Variants in MCPH1 observed in about 807,000 individuals in gnomAD.
MCPH1 encodes the protein microcephalin.
Under a neutral mutation model 84.5 loss-of-function variants are expected in MCPH1, and 104 were observed. The ratio of observed to expected loss-of-function variants is 1.23; its 90% CI spans 1.05 to 1.45. The LOEUF (loss-of-function observed/expected upper bound fraction) is 1.45. Among genes scored for constraint, MCPH1 ranks in the 40% most tolerant of loss-of-function variants. The pLI is 0.00. For synonymous variants in MCPH1, 514 were observed against 366.8 expected (o/e 1.40, Z -4.58); for missense variants, 1,498 against 1,005.7 (o/e 1.49, Z -6.62).
chr8:6,421,205 C>T (rs114388114), intron 3 of MCPH1, among the ~76,000 whole-genome samples: 4 of 152,148 alleles, frequency 2.6e-5, no homozygotes, highest in Non-Finnish European at 5.9e-5. Flanking sequence ...CTCTCCCTGG[C>T]GTCTGCATTC....
chr8:6,446,238 TC>T, intron 8 of MCPH1: 1 of 965,026 alleles, frequency 1.0e-6, no homozygotes, highest in Non-Finnish European at 1.2e-6. Flanking sequence ...ATTTTGCACT[TC>T]ACAGTTATAA....
At chr8:6,560,893 G>A (rs1057112286) in intron 12 of MCPH1, among the ~76,000 whole-genome samples, 20 of 152,170 alleles carry the variant, frequency 1.3e-4, no homozygotes, top group African/African-American at 4.1e-4. Flanking sequence ...CTTGCATTTG[G>A]CCTAGCATTC....
chr8:6,408,737 A>T (rs1047096305), intron 1 of MCPH1, among the ~76,000 whole-genome samples: 4 of 149,382 alleles, frequency 2.7e-5, no homozygotes, highest in South Asian at 2.1e-4. Flanking sequence ...TAAAAACAAA[A>T]TTTTTTTTAG....
chr8:6,624,264 C>G (rs1831826904), intron 13 of MCPH1, among the ~76,000 whole-genome samples: 1 of 152,374 alleles, frequency 6.6e-6, no homozygotes, highest in African/African-American at 2.4e-5. Flanking sequence ...CCTCCTGTAA[C>G]TTGTGTCCTG....
At chr8:6,414,137 T>G (rs934325905) in intron 2 of MCPH1, among the ~76,000 whole-genome samples, 3 of 152,190 alleles carry the variant, frequency 2.0e-5, no homozygotes, top group African/African-American at 7.2e-5. Context: ...ATTTATGCAT[T>G]TAAGATTACA....
rs34907559 is a variant in MCPH1, at chr8:6,645,606, C to CAAAA, written c.*2574_*2577dup. 3.7e-3 allele frequency: 192 copies of CAAAA among 51,726 alleles called. 3 individuals are homozygous for CAAAA. The highest frequency in any genetic ancestry group is 0.011 in the African/African-American group (172 of 15,656). 3.2% of individuals were successfully genotyped at this position (51,726 alleles called of 1,614,324 possible). A position where few individuals can be genotyped will look rare whatever the true frequency, so the allele number is the denominator to read the frequency against. ...CTATGTATAGAAATTGTAAGGAATGCAAAAAAAAAAAAAAAAAAAAGCCCT... is the reference window on the plus strand; with the variant it reads ...CTATGTATAGAAATTGTAAGGAATGCAAAAAAAAAAAAAAAAAAAAAAAAGCCCT... On this transcript the variant is annotated 3_prime_UTR_variant, in exon 14 of 14. Transcript: ENST00000344683.
intron 8 of MCPH1, chr8:6,445,796 T>A (rs1804270056): frequency 7.8e-7 from 1 of 1,276,374 alleles, no homozygotes; most frequent in Non-Finnish European, 9.9e-7. Flanking sequence ...TTCCTTCTTA[T>A]AGGTCAAAAG....
At chr8:6,417,058 A>G (rs2515470) in intron 3 of MCPH1, among the ~76,000 whole-genome samples, 148,044 of 152,234 alleles carry the variant, frequency 0.97, 72,116 homozygotes, top group East Asian at 1. Flanking sequence ...ACTTTCAGAA[A>G]TTTAAGTGTC....
intron 7 of MCPH1, 48 bp from the exon 8 acceptor site, chr8:6,444,345 A>G: frequency 6.2e-7 from 1 of 1,611,500 alleles, no homozygotes; most frequent in Non-Finnish European, 8.5e-7. Context: ...TGAATATAGA[A>G]TAATTTAAAC....
chr8:6,551,108 C>T (rs1218002847), intron 12 of MCPH1, among the ~76,000 whole-genome samples: 1 of 152,194 alleles, frequency 6.6e-6, no homozygotes, highest in Admixed American at 6.5e-5. Flanking sequence ...TTCCACGGCT[C>T]CTGGGCCCCT....
In MCPH1 at chr8:6,506,842, G is replaced by A. The variant is rs569550164; in HGVS notation, c.2214+6913G>A. Among the ~76,000 whole-genome samples the A allele has an allele frequency of 6.0e-5, 9 of 150,406 alleles. No individual in the cohort carries two copies. The South Asian group carries it at 1.5e-3, about 25-fold the overall frequency. On this transcript the variant is annotated intron_variant, in intron 12 of 13. Transcript: ENST00000344683. The stretch of plus-strand genomic sequence containing the variant: ...TAAAAGGCATGAAATTTAAAGACAT[G>A]AAAATTACTGAATTTCATATTATTT...
chr8:6,590,300 G>T lies in MCPH1; in HGVS notation c.2215-31154G>T, dbSNP rs1219501428. ...GGATGTCAGTGAGGATGGAGTGGAG[G>T]GAATGTCCTAAATGTGCGTTGGCCC... is the stretch of plus-strand genomic sequence containing the variant. On this transcript the variant is annotated intron_variant, in intron 12 of 13. Coordinates refer to ENST00000344683, the MANE Select transcript of MCPH1 (RefSeq NM_024596.5). 2.6e-5 allele frequency among the ~76,000 whole-genome samples: 4 copies of T among 152,312 alleles called. No individual in the cohort carries two copies. In the East Asian group the frequency reaches 7.7e-4, roughly 29 times the overall value.
intron 9 of MCPH1, among the ~76,000 whole-genome samples, chr8:6,476,061 G>A (rs1310186342): frequency 1.3e-5 from 2 of 152,194 alleles, no homozygotes; most frequent in Admixed American, 6.5e-5. Flanking sequence ...GAAACTGTCA[G>A]TATTCACTAC....
intron 3 of MCPH1, among the ~76,000 whole-genome samples, chr8:6,426,239 G>A (rs1212306905): frequency 1.3e-5 from 2 of 152,054 alleles, no homozygotes; most frequent in Admixed American, 6.5e-5. Flanking sequence ...CATTTTAAGT[G>A]TACATTCACG....
intron 12 of MCPH1, among the ~76,000 whole-genome samples, chr8:6,566,199 A>G (rs1230490134): frequency 6.6e-6 from 1 of 152,264 alleles, no homozygotes; most frequent in Non-Finnish European, 1.5e-5. Context: ...ATCATTTAAA[A>G]GTTTAAAAAC....
intron 1 of MCPH1, among the ~76,000 whole-genome samples, chr8:6,408,073 T>C (rs1250948541): frequency 6.6e-6 from 1 of 152,228 alleles, no homozygotes; most frequent in Non-Finnish European, 1.5e-5. Flanking sequence ...TCTGTCTCTT[T>C]ACAGAAAATA....
chr8:6,410,870 A>T (rs1243056694), intron 2 of MCPH1, among the ~76,000 whole-genome samples: 1 of 152,112 alleles, frequency 6.6e-6, no homozygotes, highest in Non-Finnish European at 1.5e-5. Context: ...CAGGCGGATC[A>T]CCTGAGGTCA....
chr8:6,443,421 T>C (rs1803804293), intron 7 of MCPH1, among the ~76,000 whole-genome samples: 1 of 152,238 alleles, frequency 6.6e-6, no homozygotes, highest in South Asian at 2.1e-4. Context: ...AAGGGAAGCT[T>C]TGGTGGTTAC....
At chr8:6,534,221 A>G (rs1424617546) in intron 12 of MCPH1, among the ~76,000 whole-genome samples, 1 of 152,214 alleles carries the variant, frequency 6.6e-6, no homozygotes, top group African/African-American at 2.4e-5. Context: ...AAAAATAACA[A>G]TACAACAATA....
Sources: gnomAD v4.1 joint callset for allele counts (sites outside exome capture counted in the v4.1 genomes callset) on GRCh38, gnomAD v4.1.1 for gene constraint, MANE v1.5 for transcripts, NCBI Gene and HGNC (gene_info 2026-07-23, HGNC 2026-07-21) for gene names.